Variants in GLDC observed in about 807,000 individuals in gnomAD.
The protein encoded by GLDC is glycine decarboxylase.
A neutral mutation model predicts 121.3 loss-of-function variants in GLDC; 104 were observed. That is an observed-to-expected ratio of 0.86 (90% CI 0.73 to 1.01). GLDC has a LOEUF of 1.01. Ranked by LOEUF, GLDC falls within the 50% of genes least tolerant of loss-of-function variation. The probability of loss-of-function intolerance (pLI) is 0.00; values close to 1 mark genes in which losing one functional copy is unlikely to be tolerated. For synonymous variants in GLDC, 546 were observed against 480.6 expected (o/e 1.14, Z -1.78); for missense variants, 1,429 against 1,306.6 (o/e 1.09, Z -1.44).
Position 6,610,339 on chromosome 9 carries a change from G to A in GLDC, c.488C>T (p.Pro163Leu). Residue 163 changes from proline (P) to leucine (L), a missense_variant, in exon 4 of 25, where the codon CCA becomes CTA. Transcript: ENST00000321612. ...ENSGWITQYT[P>L]YQPEVSQGRL... The stretch of plus-strand genomic sequence containing the variant: ...CCCCTGAGACACCTCAGGCTGGTAT[G>A]GAGTATACTGGGTGATCCTGCAAGG... 6.2e-7 allele frequency: 1 copy of A among 1,614,008 alleles called. No homozygotes were observed. The highest frequency in any genetic ancestry group is 8.5e-7 in the Non-Finnish European group (1 of 1,179,872).
chr9:6,566,920 T>C (rs1817865794), intron 15 of GLDC, among the ~76,000 whole-genome samples: 1 of 152,082 alleles, frequency 6.6e-6, no homozygotes, highest in African/African-American at 2.4e-5. Context: ...GAGGTCTGAG[T>C]GCTACATGCC....
At chr9:6,554,943 C>T (rs1209695757) in intron 18 of GLDC, 162 bp from the exon 19 acceptor site, 11 of 684,882 alleles carry the variant, frequency 1.6e-5, no homozygotes, top group South Asian at 3.1e-5. Flanking sequence ...GGCCCAGTTC[C>T]GTAGTCACAA....
At chr9:6,587,020 T>A (rs748274987) in intron 15 of GLDC, 121 bp downstream of exon 15, 2 of 809,690 alleles carry the variant, frequency 2.5e-6, no homozygotes, top group Non-Finnish European at 4.3e-6. Flanking sequence ...CCCAGTGGAG[T>A]GGAACTGTCT....
intron 15 of GLDC, among the ~76,000 whole-genome samples, chr9:6,578,266 C>T (rs1818111250): frequency 6.6e-6 from 1 of 151,736 alleles, no homozygotes; most frequent in African/African-American, 2.4e-5. Context: ...ACCACAGATG[C>T]ATGCCACCAC....
At chr9:6,537,246 C>T (rs886649805) in intron 22 of GLDC, among the ~76,000 whole-genome samples, 2 of 151,874 alleles carry the variant, frequency 1.3e-5, no homozygotes, top group Admixed American at 1.3e-4. Context: ...TCCGGGCTAC[C>T]GAGCTCAAGC....
chr9:6,629,929 C>CTATATATATATAGG, intron 2 of GLDC, among the ~76,000 whole-genome samples: 1 of 102,152 alleles, frequency 9.8e-6, no homozygotes, highest in South Asian at 3.1e-4. Flanking sequence ...TTGCTTTTCA[C>CTATATATATATAGG]TATATATATA....
intron 13 of GLDC, 87 bp from the exon 14 acceptor site, chr9:6,588,529 C>T (rs1818314302): frequency 2.1e-6 from 3 of 1,438,988 alleles, no homozygotes; most frequent in Non-Finnish European, 2.9e-6. Flanking sequence ...ATGGCCACCC[C>T]TTTGTTGCTC....
At chr9:6,603,353 C>T (rs949030610) in intron 7 of GLDC, among the ~76,000 whole-genome samples, 6 of 151,964 alleles carry the variant, frequency 3.9e-5, no homozygotes, top group Admixed American at 3.9e-4. Flanking sequence ...TGGTGGCTTA[C>T]ACCTGGTAAT....
At position 6,645,484 on chromosome 9, in the gene GLDC, TGG is replaced by T; in HGVS notation, c.14_15del (p.Ala5GlufsTer83). The T allele has an allele frequency of 7.8e-7, 1 of 1,287,654 alleles. No individual in the cohort carries two copies. The highest frequency in any genetic ancestry group is 2.4e-5 in the South Asian group (1 of 41,842). The allele number at this position is 1,287,654 out of a possible 1,614,324, so 79.8% of individuals were successfully genotyped here. A position where few individuals can be genotyped will look rare whatever the true frequency, so the allele number is the denominator to read the frequency against. ...CGGCCCAGGCGCAGCCCCCACGCCC[TGG>T]CACAGGACTGCATGGCCGCGGCCAC... MQSC[A>X]RAWGLRLGRG... On this transcript the variant is annotated frameshift_variant, in exon 1 of 25. Coordinates refer to ENST00000321612, the MANE Select transcript of GLDC (RefSeq NM_000170.3). LOFTEE classifies it high-confidence loss of function.
chr9:6,612,039 G>T (rs1345259830), intron 3 of GLDC, among the ~76,000 whole-genome samples: 4 of 151,932 alleles, frequency 2.6e-5, no homozygotes, highest in African/African-American at 9.7e-5. Flanking sequence ...TTTCTGTTCA[G>T]ATTTCCCTTT....
chr9:6,535,965 A>G, intron 23 of GLDC, 99 bp downstream of exon 23: 1 of 1,005,772 alleles, frequency 9.9e-7, no homozygotes, highest in Non-Finnish European at 1.6e-6. Context: ...AGGGAAGAGT[A>G]TCATCCTCAG....
intron 15 of GLDC, chr9:6,585,221 G>A (rs1231889095): frequency 6.6e-6 from 1 of 152,128 alleles, no homozygotes; most frequent in Non-Finnish European, 1.5e-5. Flanking sequence ...TGGGATCCTG[G>A]CTGGGATCAC....
chr9:6,565,639 C>G (rs1817841368), intron 15 of GLDC: 4 of 642,542 alleles, frequency 6.2e-6, no homozygotes, highest in Non-Finnish European at 1.1e-5. Context: ...AGTTTGTGCA[C>G]TACAGCTCAA....
At position 6,532,793 on chromosome 9, in the gene GLDC, C is replaced by T. The variant is rs1817027403; in HGVS notation, c.*224G>A. The T allele has an allele frequency of 3.7e-6, 2 of 545,334 alleles. No individual in the cohort carries two copies. The highest frequency in any genetic ancestry group is 6.6e-6 in the Non-Finnish European group (2 of 303,126). 33.8% of individuals were successfully genotyped at this position (545,334 alleles called of 1,614,324 possible). On this transcript the variant is annotated 3_prime_UTR_variant, in exon 25 of 25. Coordinates refer to ENST00000321612, the MANE Select transcript of GLDC (RefSeq NM_000170.3). ...ACAAAATGGCTCCCAATCCAGGCAA[C>T]TGGCACATGTGGAAGCAGAATACCA...
Position 6,644,636 on chromosome 9 carries a change from G to C in GLDC, c.312C>G (p.Pro104=), listed in dbSNP as rs764472892. The C allele has an allele frequency of 6.2e-6, 10 of 1,612,652 alleles. No homozygotes were observed. The South Asian group carries it at 9.9e-5, about 16-fold the overall frequency. ...TACAAACAGGGTCTTCCATTTTCAAGGGTCTTTTCAAACGGATGTTGGCAG... is the reference window on the plus strand; with the variant it reads ...TACAAACAGGGTCTTCCATTTTCAACGGTCTTTTCAAACGGATGTTGGCAG... ...TVPANIRLKR[P]LKMEDPVCEN... The change falls in exon 2 of 25, where the codon CCC becomes CCG. Residue 104 remains proline (P), a synonymous_variant. Transcript: ENST00000321612.
At chr9:6,573,939 C>T (rs1818013502) in intron 15 of GLDC, among the ~76,000 whole-genome samples, 1 of 152,196 alleles carries the variant, frequency 6.6e-6, no homozygotes, top group Non-Finnish European at 1.5e-5. Flanking sequence ...CAGTGAAACT[C>T]CATGTACTGC....
intron 21 of GLDC, among the ~76,000 whole-genome samples, chr9:6,546,472 T>G (rs905839396): frequency 3.5e-4 from 53 of 151,002 alleles, no homozygotes; most frequent in Non-Finnish European, 6.5e-4. Context: ...ACTGCTGGGA[T>G]TGCAGGCATG....
intron 19 of GLDC, 57 bp from the exon 20 acceptor site, chr9:6,553,566 G>A: frequency 1.3e-6 from 2 of 1,566,552 alleles, no homozygotes; most frequent in Non-Finnish European, 1.8e-6. Context: ...TTAATCTAAT[G>A]GGAAGGTTCT....
chr9:6,644,812 A>T, intron 1 of GLDC, 120 bp from the exon 2 acceptor site: 1 of 737,582 alleles, frequency 1.4e-6, no homozygotes, highest in Non-Finnish European at 2.4e-6. Flanking sequence ...GGTTCTTTTT[A>T]AAAGAAAAGG....
Sources: gnomAD v4.1 joint callset for allele counts (sites outside exome capture counted in the v4.1 genomes callset) on GRCh38, gnomAD v4.1.1 for gene constraint, MANE v1.5 for transcripts, NCBI Gene and HGNC (gene_info 2026-07-23, HGNC 2026-07-21) for gene names.